Variants in ADAMTS19 observed in about 807,000 individuals in gnomAD.
ADAMTS19 encodes A disintegrin and metalloproteinase with thrombospondin motifs 19.
In ADAMTS19, 93 loss-of-function variants were observed where a neutral mutation model predicts 153.3. The observed-to-expected ratio is 0.61, with a 90% CI of 0.51 to 0.72. The LOEUF (loss-of-function observed/expected upper bound fraction) is 0.72, where lower values mean the gene tolerates loss of function less well. Among genes scored for constraint, ADAMTS19 ranks in the 30% least tolerant of loss-of-function variants. The probability of loss-of-function intolerance (pLI) is 0.00; values close to 1 mark genes in which losing one functional copy is unlikely to be tolerated. For synonymous variants in ADAMTS19, 600 were observed against 556.6 expected, an observed-to-expected ratio of 1.08 and a Z score of -1.10; for missense variants, 1,482 against 1,552.1, an observed-to-expected ratio of 0.95 and a Z score of 0.76.
At chr5:129,714,036 G>C (rs115315003) in intron 21 of ADAMTS19, among the ~76,000 whole-genome samples, 2,497 of 152,316 alleles carry the variant, frequency 0.016, 65 homozygotes, top group African/African-American at 0.057. Flanking sequence ...TAATAATCCA[G>C]TGTCAATGAT....
At chr5:129,578,136 ACC>A (rs1749282507) in intron 7 of ADAMTS19, among the ~76,000 whole-genome samples, 1 of 129,720 alleles carries the variant, frequency 7.7e-6, no homozygotes, top group Non-Finnish European at 1.7e-5. Context: ...ACGTACATAT[ACC>A]TATATGCATG....
chr5:129,466,211 A>G (rs116126436), intron 2 of ADAMTS19, among the ~76,000 whole-genome samples: 4,099 of 152,262 alleles, frequency 0.027, 82 homozygotes, highest in South Asian at 0.066. Context: ...CACTGAGTCA[A>G]AGGTCCCATC....
chr5:129,715,310 ATAT>A (rs1171363465), intron 21 of ADAMTS19, among the ~76,000 whole-genome samples: 1 of 152,202 alleles, frequency 6.6e-6, no homozygotes, highest in African/African-American at 2.4e-5. Context: ...AGAATGATTG[ATAT>A]TATGGATACA....
chr5:129,490,970 A>ATTG (rs199976039), intron 2 of ADAMTS19, among the ~76,000 whole-genome samples: 1 of 151,956 alleles, frequency 6.6e-6, no homozygotes, highest in Non-Finnish European at 1.5e-5. Flanking sequence ...ATAAACATAT[A>ATTG]TTGTTGTTAG....
chr5:129,505,546 A>C (rs1751243232), intron 2 of ADAMTS19, among the ~76,000 whole-genome samples: 1 of 152,148 alleles, frequency 6.6e-6, no homozygotes, highest in South Asian at 2.1e-4. Flanking sequence ...TTTGATTAGA[A>C]GTTGGTTTTA....
Position 129,545,742 on chromosome 5 carries a change from GC to G in ADAMTS19, c.1329-6121del, listed in dbSNP as rs531082818. ...ATTAAAAAGTCAGGCAACAACAGGTGCTGGAGAGGATGTGGAGAAATAAGAA... is the reference window on the plus strand; with the variant it reads ...ATTAAAAAGTCAGGCAACAACAGGTGTGGAGAGGATGTGGAGAAATAAGAA... On this transcript the variant is annotated intron_variant, in intron 6 of 22. Transcript: ENST00000274487. Among the ~76,000 whole-genome samples, 667 of 146,790 alleles carry G rather than the reference GC, an allele frequency of 4.5e-3. 26 individuals carry two copies. Among genetic ancestry groups the G allele is most frequent in the East Asian group, 0.027 (134 of 5,046 alleles).
intron 3 of ADAMTS19, among the ~76,000 whole-genome samples, chr5:129,522,332 CATATATATATATATATATAT>C (rs1209637522): frequency 1.2e-4 from 7 of 58,620 alleles, no homozygotes; most frequent in African/African-American, 1.8e-4. Flanking sequence ...CACACACACA[CATATATATATATATATATAT>C]ATATATATAT....
At chr5:129,524,845 T>G (rs1345940280) in intron 3 of ADAMTS19, among the ~76,000 whole-genome samples, 1 of 152,054 alleles carries the variant, frequency 6.6e-6, no homozygotes, top group Non-Finnish European at 1.5e-5. Flanking sequence ...TCTCCTACCC[T>G]AAGATATTCA....
chr5:129,736,107 C>CTAAT (rs1219456257), intron 22 of ADAMTS19, among the ~76,000 whole-genome samples: 1 of 151,920 alleles, frequency 6.6e-6, no homozygotes, highest in African/African-American at 2.4e-5. Context: ...GTGAATAACA[C>CTAAT]TAATTAAGAC....
At chr5:129,527,375 G>GTT (rs1023134798) in intron 4 of ADAMTS19, among the ~76,000 whole-genome samples, 5 of 140,312 alleles carry the variant, frequency 3.6e-5, no homozygotes, top group African/African-American at 7.7e-5. Flanking sequence ...GGGGAACAGA[G>GTT]TTTTTTTTTT....
rs559276245 is a variant in ADAMTS19, at chr5:129,587,191, TCTA to T, written c.1373-9361_1373-9359del. 3.3e-3 allele frequency among the ~76,000 whole-genome samples: 508 copies of T among 152,256 alleles called. 3 individuals are homozygous for T. Among genetic ancestry groups the T allele is most frequent in the African/African-American group, 9.3e-3 (388 of 41,558 alleles). ...TAATTATATAATCTACTGATTATAATCTACTACTAGAGATCATAATCTACTAAT... is the reference window on the plus strand; with the variant it reads ...TAATTATATAATCTACTGATTATAATCTACTAGAGATCATAATCTACTAAT... On this transcript the variant is annotated intron_variant, in intron 7 of 22. Coordinates refer to ENST00000274487, the MANE Select transcript of ADAMTS19 (RefSeq NM_133638.6).
chr5:129,676,314 AG>A (rs772173624), intron 16 of ADAMTS19, among the ~76,000 whole-genome samples: 126 of 152,328 alleles, frequency 8.3e-4, no homozygotes, highest in Middle Eastern at 6.8e-3. Flanking sequence ...GCTTTTTAAA[AG>A]CTTTGTCAGT....
At chr5:129,578,041 TACAC>T (rs748371915) in intron 7 of ADAMTS19, among the ~76,000 whole-genome samples, 5,870 of 98,518 alleles carry the variant, frequency 0.06, 302 homozygotes, top group African/African-American at 0.073. Context: ...CAAACTTACA[TACAC>T]ACACACACAC....
chr5:129,658,339 A>AAGAAAGAAAGAGAGAGAGAGAGAGAGAG (rs1753658069), intron 14 of ADAMTS19, among the ~76,000 whole-genome samples: 3 of 109,182 alleles, frequency 2.7e-5, no homozygotes, highest in African/African-American at 1.3e-4. Flanking sequence ...GAAAGAAAGA[A>AAGAAAGAAAGAGAGAGAGAGAGAGAGAG]AGAAAGAAAG....
At chr5:129,467,955 T>TAC (rs1006994345) in intron 2 of ADAMTS19, among the ~76,000 whole-genome samples, 9 of 152,176 alleles carry the variant, frequency 5.9e-5, no homozygotes, top group African/African-American at 1.7e-4. Flanking sequence ...CCATACTATT[T>TAC]ACACACACAC....
intron 6 of ADAMTS19, among the ~76,000 whole-genome samples, chr5:129,539,531 A>G (rs906222783): frequency 4.6e-5 from 7 of 152,078 alleles, no homozygotes; most frequent in African/African-American, 9.6e-5. Flanking sequence ...CACTAAGTTC[A>G]TGGTAATCTG....
At chr5:129,551,761 G>T (rs1376267295) in intron 6 of ADAMTS19, 103 bp from the exon 7 acceptor site, 1 of 657,580 alleles carries the variant, frequency 1.5e-6, no homozygotes, top group Non-Finnish European at 2.6e-6. Flanking sequence ...GGAGATGACA[G>T]ATGTGCTTCA....
In ADAMTS19 at chr5:129,601,522, G is replaced by A. The variant is rs1204831038; in HGVS notation, c.1478+4858G>A. The stretch of plus-strand genomic sequence containing the variant: ...AGGGAAGAGGCCCTAAGACTAATCT[G>A]AGTTGATTTGCTAGCATAACTCAGA... On this transcript the variant is annotated intron_variant, in intron 8 of 22. Transcript: ENST00000274487. Among the ~76,000 whole-genome samples, 5 of 152,234 alleles carry A rather than the reference G, an allele frequency of 3.3e-5. No homozygotes were observed. In the East Asian group the frequency reaches 9.7e-4, roughly 29 times the overall value.
At position 129,704,251 on chromosome 5, in the gene ADAMTS19, T is replaced by A; in HGVS notation, c.3172T>A (p.Cys1058Ser). The A allele has an allele frequency of 6.2e-7, 1 of 1,613,292 alleles. No individual in the cohort carries two copies. Residue 1058 changes from cysteine (C) to serine (S), a missense_variant, in exon 21 of 23, where the codon TGT becomes AGT. Physicochemically the swap from Cys to Ser is moderately radical, Grantham distance 112. Around this residue, in one of 2 missense-constraint regions of ADAMTS19, gnomAD observed 616 missense variants for 724.4 expected, o/e 0.85. Coordinates refer to ENST00000274487, the MANE Select transcript of ADAMTS19 (RefSeq NM_133638.6). ...TGTTATCTTCCAGTGTTCAGTCAAG[T>A]GTGGCAAAGGCATACGTCATCGGAC... ...AGVWSECSVKCGKGIRHRTVR... is the reference protein window; with the variant it reads ...AGVWSECSVKSGKGIRHRTVR...
Sources: gnomAD v4.1 joint callset for allele counts (sites outside exome capture counted in the v4.1 genomes callset) on GRCh38, gnomAD v4.1.1 for gene constraint, gnomAD v4.1.1 regional missense constraint, MANE v1.5 for transcripts, NCBI Gene and HGNC (gene_info 2026-07-23, HGNC 2026-07-21) for gene names.